Variants in LPAR1 observed in about 807,000 individuals in gnomAD.
The protein encoded by LPAR1 is LPA receptor 1.
LPAR1 carries 5 observed loss-of-function variants against 23.8 expected under a neutral mutation model. The ratio of observed to expected loss-of-function variants is 0.21; its 90% confidence interval spans 0.11 to 0.44. The LOEUF (loss-of-function observed/expected upper bound fraction) is 0.44, where lower values mean the gene tolerates loss of function less well. LPAR1 is among the 20% of genes least tolerant of loss of function. LPAR1 has a pLI of 0.99. For missense variants in LPAR1, 311 were observed against 482.8 expected (o/e 0.64, Z 3.33); for synonymous variants, 160 against 164.7 (o/e 0.97, Z 0.22).
rs191945603 is a variant in LPAR1 at position 110,996,639 on chromosome 9, G to A, written c.-181-23081C>T. Among the ~76,000 whole-genome samples the A allele has an allele frequency of 3.0e-4, 46 of 152,232 alleles. No homozygotes were observed. The East Asian group carries it at 4.1e-3, about 13-fold the overall frequency. On this transcript the variant is annotated intron_variant, in intron 2 of 5. Coordinates refer to ENST00000683809, the MANE Select transcript of LPAR1 (RefSeq NM_001351411.2). ...CTGTTGTTTTAAGCCAAGTCATAGC[G>A]ATAAAATGAGCAGGTGGCAAGTCTC...
chr9:110,983,487 A>G (rs2096715942), intron 2 of LPAR1, among the ~76,000 whole-genome samples: 1 of 152,012 alleles, frequency 6.6e-6, no homozygotes, highest in South Asian at 2.1e-4. Flanking sequence ...CTTGCCAGGG[A>G]CTGGGGGAGA....
intron 5 of LPAR1, among the ~76,000 whole-genome samples, chr9:110,894,246 G>A (rs1389069104): frequency 6.6e-6 from 1 of 152,176 alleles, no homozygotes; most frequent in Non-Finnish European, 1.5e-5. Context: ...TTAAAGGTAT[G>A]TATTCATCTT....
intron 2 of LPAR1, among the ~76,000 whole-genome samples, chr9:111,024,514 A>G (rs967799957): frequency 2.7e-5 from 4 of 147,150 alleles, no homozygotes; most frequent in Non-Finnish European, 6.0e-5. Context: ...ATAATTATAT[A>G]TATTTATATA....
At chr9:111,013,887 AT>A (rs1252984572) in intron 2 of LPAR1, among the ~76,000 whole-genome samples, 2 of 152,148 alleles carry the variant, frequency 1.3e-5, no homozygotes, top group African/African-American at 4.8e-5. Context: ...TAGTTTCTGA[AT>A]TGACTATACC....
At chr9:110,909,499 T>G (rs1185138831) in intron 5 of LPAR1, among the ~76,000 whole-genome samples, 1 of 152,184 alleles carries the variant, frequency 6.6e-6, no homozygotes, top group Non-Finnish European at 1.5e-5. Flanking sequence ...CACCTTCCTG[T>G]ACAGGCACAG....
chr9:111,018,964 T>A (rs1163596254), intron 2 of LPAR1, among the ~76,000 whole-genome samples: 1 of 152,202 alleles, frequency 6.6e-6, no homozygotes, highest in Admixed American at 6.5e-5. Context: ...TCGCCTTATA[T>A]AACAGTGTGT....
chr9:110,915,783 T>G (rs150354987), intron 5 of LPAR1, among the ~76,000 whole-genome samples: 353 of 152,256 alleles, frequency 2.3e-3, no homozygotes, highest in Admixed American at 3.9e-3. Context: ...AGATGTAGAT[T>G]TTAGCTATTT....
At chr9:111,000,218 G>A (rs2097102879) in intron 2 of LPAR1, among the ~76,000 whole-genome samples, 1 of 152,144 alleles carries the variant, frequency 6.6e-6, no homozygotes, top group African/African-American at 2.4e-5. Flanking sequence ...TCATAAATCA[G>A]CAAGCACAAT....
chr9:110,932,883 G>T (rs1171577357), intron 5 of LPAR1, among the ~76,000 whole-genome samples: 3 of 152,216 alleles, frequency 2.0e-5, no homozygotes, highest in Non-Finnish European at 4.4e-5. Context: ...GGGCCAAAAA[G>T]GTTGGGGACC....
At chr9:110,916,912 T>C (rs1476194954) in intron 5 of LPAR1, among the ~76,000 whole-genome samples, 1 of 152,048 alleles carries the variant, frequency 6.6e-6, no homozygotes, top group Non-Finnish European at 1.5e-5. Context: ...TAAAGTCTTT[T>C]TTTTTTTTTT....
At chr9:110,938,564 G>A (rs1473073917) in intron 5 of LPAR1, among the ~76,000 whole-genome samples, 1 of 152,026 alleles carries the variant, frequency 6.6e-6, no homozygotes, top group Non-Finnish European at 1.5e-5. Flanking sequence ...TTAGCATTAA[G>A]AGTGGGGGCC....
chr9:110,898,523 G>T (rs537056804), intron 5 of LPAR1, among the ~76,000 whole-genome samples: 123 of 152,316 alleles, frequency 8.1e-4, no homozygotes, highest in Non-Finnish European at 1.5e-3. Flanking sequence ...TATATTTAGA[G>T]TGGGAGAACC....
chr9:110,999,324 C>T (rs184020248), intron 2 of LPAR1: 6 of 449,638 alleles, frequency 1.3e-5, no homozygotes, highest in Admixed American at 2.4e-5. Context: ...TGGTGTCCAA[C>T]GAATGCTTTA....
intron 5 of LPAR1, among the ~76,000 whole-genome samples, chr9:110,889,698 A>G (rs2083482080): frequency 6.6e-6 from 1 of 152,242 alleles, no homozygotes; most frequent in Non-Finnish European, 1.5e-5. Flanking sequence ...GGAAATTCAA[A>G]GCAGCTTTAG....
At chr9:110,888,899 A>G (rs1363344888) in intron 5 of LPAR1, among the ~76,000 whole-genome samples, 1 of 152,212 alleles carries the variant, frequency 6.6e-6, no homozygotes. Flanking sequence ...GGCAAGGAGG[A>G]CACTGATGAC....
chr9:111,024,338 G>A (rs1352941733), intron 2 of LPAR1, among the ~76,000 whole-genome samples: 1 of 149,508 alleles, frequency 6.7e-6, no homozygotes. Flanking sequence ...TAATGAAAAT[G>A]GCAGCTAATA....
chr9:110,959,759 T>G (rs2095890389), intron 4 of LPAR1, among the ~76,000 whole-genome samples: 1 of 152,090 alleles, frequency 6.6e-6, no homozygotes, highest in African/African-American at 2.4e-5. Context: ...GCCTACCAAT[T>G]AATGAATGGA....
intron 4 of LPAR1, among the ~76,000 whole-genome samples, chr9:110,945,182 G>C (rs1050444300): frequency 2.0e-5 from 3 of 152,164 alleles, no homozygotes; most frequent in African/African-American, 7.2e-5. Context: ...GCAGTAAGAA[G>C]GGCAGTGTGA....
At chr9:110,904,187 G>A (rs775023946) in intron 5 of LPAR1, among the ~76,000 whole-genome samples, 32 of 152,124 alleles carry the variant, frequency 2.1e-4, no homozygotes, top group Admixed American at 5.2e-4. Flanking sequence ...GAAAATGATG[G>A]AAGATGGAAT....
Sources: gnomAD v4.1 joint callset for allele counts (sites outside exome capture counted in the v4.1 genomes callset) on GRCh38, gnomAD v4.1.1 for gene constraint, MANE v1.5 for transcripts, NCBI Gene and HGNC (gene_info 2026-07-23, HGNC 2026-07-21) for gene names.